SYT12: variants seen among roughly 807,000 people sequenced by gnomAD.
SYT12 encodes the protein synaptotagmin-12.
In SYT12, 27 loss-of-function variants were observed where a neutral mutation model predicts 39.5. That is an observed-to-expected ratio of 0.68 (90% CI 0.50 to 0.94). The LOEUF is 0.94. SYT12 is among the 40% of genes least tolerant of loss of function. SYT12 has a pLI of 0.00. For missense variants in SYT12, 536 were observed against 572.6 expected, an observed-to-expected ratio of 0.94 and a Z score of 0.65; for synonymous variants, 233 against 239.7, an observed-to-expected ratio of 0.97 and a Z score of 0.26.
chr11:67,037,381 A>G (rs1050143491), intron 3 of SYT12, among the ~76,000 whole-genome samples: 3 of 152,086 alleles, frequency 2.0e-5, no homozygotes, highest in Admixed American at 1.3e-4. Flanking sequence ...TTAAATTATG[A>G]TTATCTGCTC....
In SYT12 at chr11:67,050,860, G is replaced by C. The variant is rs1470555725; in HGVS notation, c.*2103G>C. 1 of 152,246 alleles carries C rather than the reference G, an allele frequency of 6.6e-6. No individual in the cohort carries two copies. Among genetic ancestry groups the C allele is most frequent in the Non-Finnish European group, 1.5e-5 (1 of 68,068 alleles). The allele number at this position is 152,246 out of a possible 1,614,324, so 9.4% of individuals were successfully genotyped here. ...CTGAATCACCTTCGTCTCTTCTCTA[G>C]GAATCAGGGACTCAGGCCTCCTATG... On this transcript the variant is annotated 3_prime_UTR_variant, in exon 8 of 8. Coordinates refer to ENST00000527043, the MANE Select transcript of SYT12 (RefSeq NM_177963.4).
At chr11:67,019,171 C>G (rs1267817732), upstream of SYT12, among the ~76,000 whole-genome samples, 1 of 151,954 alleles carries the variant, frequency 6.6e-6, no homozygotes, top group Non-Finnish European at 1.5e-5. Context: ...AAGGGGTTTC[C>G]CCTTATAATA....
At chr11:67,019,445 C>T (rs531361402), upstream of SYT12, among the ~76,000 whole-genome samples, 5 of 151,556 alleles carry the variant, frequency 3.3e-5, no homozygotes, top group South Asian at 8.4e-4. Context: ...GCACTCCAGC[C>T]TGGGCAACAA....
intron 3 of SYT12, among the ~76,000 whole-genome samples, chr11:67,035,429 T>TTTTTTC (rs1188014939): frequency 4.6e-5 from 7 of 150,778 alleles, no homozygotes; most frequent in Admixed American, 2.0e-4. Context: ...TTACTTTCTT[T>TTTTTTC]TTTTTCTTTT....
At position 67,040,129 on chromosome 11, in the gene SYT12, G is replaced by A; in HGVS notation, c.547G>A (p.Glu183Lys). Residue 183 changes from glutamate to lysine, a missense_variant, in exon 4 of 8, where the codon GAG becomes AAG. Glu to Lys is a moderately conservative substitution (Grantham distance 56). Transcript: ENST00000527043. ...VMQGKDLLER[E>K]EASFESCFMR... Reference sequence around the variant, plus strand: ...GCAGGGCAAGGACCTCCTGGAGCGGGAGGAGGCCAGCTTCGAGTCCTGCTT... The same window carrying A: ...GCAGGGCAAGGACCTCCTGGAGCGGAAGGAGGCCAGCTTCGAGTCCTGCTT... The A allele has an allele frequency of 1.2e-6, 2 of 1,611,806 alleles. No individual in the cohort carries two copies. Among genetic ancestry groups the A allele is most frequent in the Non-Finnish European group, 1.7e-6 (2 of 1,178,576 alleles).
chr11:67,044,987 G>A (rs2136232333), intron 6 of SYT12, among the ~76,000 whole-genome samples: 1 of 152,240 alleles, frequency 6.6e-6, no homozygotes, highest in Admixed American at 6.5e-5. Context: ...TCTCAGGGCA[G>A]GAGGCCGCAC....
At chr11:67,008,739 G>A (rs962564762) in intron 1 of SYT12, among the ~76,000 whole-genome samples, 3 of 152,112 alleles carry the variant, frequency 2.0e-5, no homozygotes, top group Admixed American at 6.6e-5. Flanking sequence ...TTGTAGAGAC[G>A]GGGTTTCAAC....
intron 1 of SYT12, chr11:67,029,909 G>A (rs1950234451): frequency 2.0e-6 from 1 of 507,328 alleles, no homozygotes; most frequent in East Asian, 3.2e-5. Context: ...GGCATCCTGT[G>A]TTTTATCTGG....
intron 1 of SYT12, among the ~76,000 whole-genome samples, chr11:67,023,907 G>A (rs1950146292): frequency 6.6e-6 from 1 of 152,250 alleles, no homozygotes; most frequent in South Asian, 2.1e-4. Context: ...GGAGGGGAAC[G>A]TTGCACCCCA....
chr11:67,022,411 A>G (rs1246126351), upstream of SYT12, among the ~76,000 whole-genome samples: 1 of 151,590 alleles, frequency 6.6e-6, no homozygotes, highest in African/African-American at 2.4e-5. Context: ...TGCCCACAAC[A>G]TGTGGCACCT....
At chr11:67,015,466 G>A (rs1403272043) in intron 3 of SYT12, among the ~76,000 whole-genome samples, 2 of 151,640 alleles carry the variant, frequency 1.3e-5, no homozygotes, top group African/African-American at 2.4e-5. Flanking sequence ...GTGTGGAGGC[G>A]GTGGTGGGGG....
Position 67,045,693 on chromosome 11 carries a change from G to T in SYT12, c.959-51G>T, listed in dbSNP as rs552496378. 373 of 1,601,626 alleles carry T rather than the reference G, an allele frequency of 2.3e-4. 1 individual carries two copies. In the Admixed American group the frequency reaches 3.3e-3, roughly 14 times the overall value. ...GGTGGGTGGAGCCAAACTGGGCAGG[G>T]CTGTGGTGAGTGAGTGTGACACTGG... On this transcript the variant is annotated intron_variant, in intron 6 of 7. Coordinates refer to ENST00000527043, the MANE Select transcript of SYT12 (RefSeq NM_177963.4).
chr11:67,038,682 T>C (rs530311847), intron 3 of SYT12, among the ~76,000 whole-genome samples: 14 of 152,234 alleles, frequency 9.2e-5, no homozygotes, highest in Non-Finnish European at 1.8e-4. Context: ...TCCCTACAAA[T>C]ATACATATTA....
intron 1 of SYT12, among the ~76,000 whole-genome samples, chr11:67,023,922 G>A (rs1471088475): frequency 2.0e-5 from 3 of 152,234 alleles, no homozygotes; most frequent in Non-Finnish European, 4.4e-5. Flanking sequence ...ACCCCAGCCC[G>A]AGGAGGCCCT....
chr11:67,044,591 A>G lies in SYT12; in HGVS notation c.838-2A>G. 6.2e-7 allele frequency: 1 copy of G among 1,611,966 alleles called. No individual in the cohort carries two copies. Among genetic ancestry groups the G allele is most frequent in the Non-Finnish European group, 8.5e-7 (1 of 1,179,272 alleles). On this transcript the variant is annotated splice_acceptor_variant, in intron 5 of 7. Coordinates refer to ENST00000527043, the MANE Select transcript of SYT12 (RefSeq NM_177963.4). LOFTEE classifies it high-confidence loss of function. ...CCTCTGAGCCACCTGTCTGTCCCCC[A>G]GGCCGCCGATGCTGTGGGGGAGATC...
At chr11:67,009,353 G>C (rs749473684) in intron 1 of SYT12, among the ~76,000 whole-genome samples, 1 of 151,922 alleles carries the variant, frequency 6.6e-6, no homozygotes, top group Admixed American at 6.6e-5. Flanking sequence ...GAGGGCAGTG[G>C]CTCGATCTTG....
chr11:67,035,889 T>C (rs1950370700), intron 3 of SYT12, among the ~76,000 whole-genome samples: 1 of 116,686 alleles, frequency 8.6e-6, no homozygotes, highest in Admixed American at 8.9e-5. Context: ...TTTCCCTCCC[T>C]CCCTCCCTCC....
At chr11:67,034,931 C>A in intron 3 of SYT12, 93 bp downstream of exon 3, 1 of 963,408 alleles carries the variant, frequency 1.0e-6, no homozygotes, top group Non-Finnish European at 1.5e-6. Context: ...CCCTCCGTCA[C>A]CACCTCCTCC....
At position 67,048,799 on chromosome 11, in the gene SYT12, C is replaced by G; in HGVS notation, c.*42C>G. The G allele has an allele frequency of 6.4e-7, 1 of 1,572,318 alleles. No individual in the cohort carries two copies. Among genetic ancestry groups the G allele is most frequent in the Non-Finnish European group, 8.7e-7 (1 of 1,154,420 alleles). Reference sequence around the variant, plus strand: ...GTTGGGCAATGGAGCTGCTGGAGCCCGGTACCCACTCAGCTCTGTCTGATG... The same window carrying G: ...GTTGGGCAATGGAGCTGCTGGAGCCGGGTACCCACTCAGCTCTGTCTGATG... On this transcript the variant is annotated 3_prime_UTR_variant, in exon 8 of 8. Coordinates refer to ENST00000527043, the MANE Select transcript of SYT12 (RefSeq NM_177963.4).
Sources: allele counts gnomAD v4.1 joint callset (sites outside exome capture counted in the v4.1 genomes callset), GRCh38; gene constraint gnomAD v4.1.1; transcripts MANE v1.5; gene names NCBI Gene and HGNC (gene_info 2026-07-23, HGNC 2026-07-21).